CNIH4: variants seen among roughly 807,000 people sequenced by gnomAD.
CNIH4 encodes the protein cornichon family member 4.
In CNIH4, 9 loss-of-function variants were observed where a neutral mutation model predicts 21.5. That is an observed-to-expected ratio of 0.42 (90% CI 0.25 to 0.73). The LOEUF is 0.73. Ranked by LOEUF, CNIH4 falls within the 30% of genes least tolerant of loss-of-function variation. The probability of loss-of-function intolerance (pLI) is 0.27; values close to 1 mark genes in which losing one functional copy is unlikely to be tolerated. For synonymous variants in CNIH4, 67 were observed against 59.1 expected, an observed-to-expected ratio of 1.13 and a Z score of -0.61; for missense variants, 159 against 170.0, an observed-to-expected ratio of 0.94 and a Z score of 0.36.
At chr1:224,363,163 G>T (rs1672349206) in intron 2 of CNIH4, among the ~76,000 whole-genome samples, 1 of 152,046 alleles carries the variant, frequency 6.6e-6, no homozygotes, top group African/African-American at 2.4e-5. Context: ...TTGTGCCTCA[G>T]CCTCCTGAGT....
intron 3 of CNIH4, among the ~76,000 whole-genome samples, chr1:224,369,550 T>C (rs1017359480): frequency 6.6e-6 from 1 of 152,134 alleles, no homozygotes; most frequent in African/African-American, 2.4e-5. Flanking sequence ...CACTCCAGCC[T>C]GGGCAACAGA....
At chr1:224,365,395 TA>T (rs2102857038) in intron 2 of CNIH4, among the ~76,000 whole-genome samples, 1 of 152,362 alleles carries the variant, frequency 6.6e-6, no homozygotes, top group East Asian at 1.9e-4. Flanking sequence ...TTTGAGCTAT[TA>T]TTGTAAGCTT....
chr1:224,365,486 G>A (rs1250645114), intron 2 of CNIH4, among the ~76,000 whole-genome samples: 1 of 152,100 alleles, frequency 6.6e-6, no homozygotes. Context: ...AATGTTTAAC[G>A]TTGCTATTCT....
chr1:224,371,506 T>C (rs1672627641), intron 4 of CNIH4, 83 bp downstream of exon 4: 1 of 1,392,738 alleles, frequency 7.2e-7, no homozygotes. Context: ...GGATTTTGCA[T>C]TGACATTGTG....
In CNIH4 at chr1:224,377,438, C is replaced by G. The variant is rs1672810700; in HGVS notation, c.*1616C>G. On this transcript the variant is annotated 3_prime_UTR_variant, in exon 5 of 5. Transcript: ENST00000465271. ...TTAAAGCAACGAAGCTGTTGGAGAA[C>G]TTAAATCCTTGCAACTGAGAGATAA... 1 of 151,692 alleles carries G rather than the reference C, an allele frequency of 6.6e-6. No individual in the cohort carries two copies. The highest frequency in any genetic ancestry group is 1.5e-5 in the Non-Finnish European group (1 of 67,974). The allele number at this position is 151,692 out of a possible 1,614,324, so 9.4% of individuals were successfully genotyped here.
chr1:224,376,997 G>A lies in CNIH4; in HGVS notation c.*1175G>A. 4 of 842,740 alleles carry A rather than the reference G, an allele frequency of 4.7e-6. No individual in the cohort carries two copies. The highest frequency in any genetic ancestry group is 5.7e-6 in the Non-Finnish European group (4 of 699,848). 52.2% of individuals were successfully genotyped at this position (842,740 alleles called of 1,614,324 possible). A position where few individuals can be genotyped will look rare whatever the true frequency, so the allele number is the denominator to read the frequency against. Reference sequence around the variant, plus strand: ...TATTCACTCTAGTTGAGATAGAATTGGGTGGCTAAACAGGGTGTGTGGTAC... The same window carrying A: ...TATTCACTCTAGTTGAGATAGAATTAGGTGGCTAAACAGGGTGTGTGGTAC... On this transcript the variant is annotated 3_prime_UTR_variant, in exon 5 of 5. Coordinates refer to ENST00000465271, the MANE Select transcript of CNIH4 (RefSeq NM_014184.4).
At chr1:224,363,337 C>T (rs1672355686) in intron 2 of CNIH4, among the ~76,000 whole-genome samples, 3 of 152,214 alleles carry the variant, frequency 2.0e-5, no homozygotes, top group Admixed American at 2.0e-4. Context: ...AGCCACTGCA[C>T]CCAGCCTTCT....
At chr1:224,369,612 G>A (rs1572130349) in intron 3 of CNIH4, among the ~76,000 whole-genome samples, 1 of 151,470 alleles carries the variant, frequency 6.6e-6, no homozygotes, top group African/African-American at 2.4e-5. Context: ...AAGTATAACT[G>A]GATCGTTTGT....
chr1:224,359,504 A>G (rs558168535), intron 1 of CNIH4, among the ~76,000 whole-genome samples: 1 of 152,252 alleles, frequency 6.6e-6, no homozygotes, highest in Non-Finnish European at 1.5e-5. Context: ...TACTTGTGTC[A>G]GTAACAGAAA....
rs4654037 is a variant in CNIH4, at chr1:224,379,302, G to A, written c.*3480G>A. 0.76 allele frequency: 448,044 copies of A among 587,300 alleles called. 175,828 individuals are homozygous for A. The highest frequency in any genetic ancestry group is 1 in the East Asian group (35,125 of 35,200). 36.4% of individuals were successfully genotyped at this position (587,300 alleles called of 1,614,324 possible). On this transcript the variant is annotated 3_prime_UTR_variant, in exon 5 of 5. Transcript: ENST00000465271. ...TTACCACATTCTATCTGGTATTACAGTTATTTGTATGCAATTAATCACTCT... is the reference window on the plus strand; with the variant it reads ...TTACCACATTCTATCTGGTATTACAATTATTTGTATGCAATTAATCACTCT...
intron 2 of CNIH4, among the ~76,000 whole-genome samples, chr1:224,361,434 A>T (rs910285167): frequency 6.0e-5 from 9 of 150,112 alleles, no homozygotes; most frequent in African/African-American, 2.2e-4. Flanking sequence ...CTAATTTTTA[A>T]ATTTTTTTGT....
chr1:224,373,822 C>T (rs545906520), intron 4 of CNIH4, among the ~76,000 whole-genome samples: 9 of 151,056 alleles, frequency 6.0e-5, no homozygotes, highest in East Asian at 3.9e-4. Flanking sequence ...AGTAAGGCTC[C>T]GTCTCAAAAA....
Position 224,371,305 on chromosome 1 carries a change from A to G in CNIH4, c.274A>G (p.Asn92Asp). 6.2e-7 allele frequency: 1 copy of G among 1,613,960 alleles called. No homozygotes were observed. The highest frequency in any genetic ancestry group is 8.5e-7 in the Non-Finnish European group (1 of 1,179,954). Residue 92 changes from asparagine to aspartate, a missense_variant, in exon 4 of 5, where the codon AAC becomes GAC. Coordinates refer to ENST00000465271, the MANE Select transcript of CNIH4 (RefSeq NM_014184.4). The stretch of plus-strand genomic sequence containing the variant: ...CAGATACATTATGGTGCCGAGTGGT[A>G]ACATGGGAGTGTTTGATCCAACAGA... ...IYRYIMVPSG[N>D]MGVFDPTEIH...
At position 224,379,071 on chromosome 1, in the gene CNIH4, G is replaced by T; in HGVS notation, c.*3249G>T. On this transcript the variant is annotated 3_prime_UTR_variant, in exon 5 of 5. Transcript: ENST00000465271. ...CCTTTTTCCTTCTATCCTTTCAGTG[G>T]TAGCAACTGCCCTTGCTAATCACCG... The T allele has an allele frequency of 6.4e-7, 1 of 1,550,514 alleles. No homozygotes were observed. Among genetic ancestry groups the T allele is most frequent in the Non-Finnish European group, 8.7e-7 (1 of 1,146,960 alleles).
chr1:224,357,494 C>A (rs1021818002), intron 1 of CNIH4: 1 of 153,260 alleles, frequency 6.5e-6, no homozygotes, highest in African/African-American at 2.4e-5. Context: ...CCACGCAACA[C>A]CCCCGGCACC....
intron 4 of CNIH4, among the ~76,000 whole-genome samples, chr1:224,372,972 A>G (rs1672676114): frequency 6.6e-6 from 1 of 152,060 alleles, no homozygotes; most frequent in Non-Finnish European, 1.5e-5. Flanking sequence ...GCTTCCTAAA[A>G]TCCCTTCACT....
intron 3 of CNIH4, among the ~76,000 whole-genome samples, chr1:224,366,894 C>T (rs6674133): frequency 0.076 from 11,461 of 150,166 alleles, 1,392 homozygotes; most frequent in African/African-American, 0.26. Context: ...AGCCGGGAGG[C>T]GGAGCTTGAA....
At chr1:224,369,033 C>T (rs565459555) in intron 3 of CNIH4, among the ~76,000 whole-genome samples, 48 of 151,786 alleles carry the variant, frequency 3.2e-4, no homozygotes, top group Non-Finnish European at 4.7e-4. Context: ...TGTGCCTCAG[C>T]GACCATCCCA....
At chr1:224,375,496 GT>G (rs764729219) in intron 4 of CNIH4, among the ~76,000 whole-genome samples, 1 of 149,776 alleles carries the variant, frequency 6.7e-6, no homozygotes, top group Non-Finnish European at 1.5e-5. Context: ...GTTTTGTTTT[GT>G]TTTTTTTTAA....
Sources: gnomAD v4.1 joint callset for allele counts (sites outside exome capture counted in the v4.1 genomes callset) on GRCh38, gnomAD v4.1.1 for gene constraint, MANE v1.5 for transcripts, NCBI Gene and HGNC (gene_info 2026-07-23, HGNC 2026-07-21) for gene names.